RXRA: variants seen among roughly 807,000 people sequenced by gnomAD.
The protein encoded by RXRA is retinoid X receptor alpha.
In RXRA, 5 loss-of-function variants were observed where a neutral mutation model predicts 44.5. That is an observed-to-expected ratio of 0.11 (90% confidence interval 0.06 to 0.24). The LOEUF (loss-of-function observed/expected upper bound fraction) is 0.24. RXRA is among the 10% of genes least tolerant of loss of function. The pLI, the probability that RXRA is intolerant of heterozygous loss-of-function variation, is 1.00. For missense variants in RXRA, 412 were observed against 646.5 expected (o/e 0.64, Z 3.93); for synonymous variants, 291 against 271.4 (o/e 1.07, Z -0.71).
chr9:134,375,685 C>T (rs1830547128), intron 1 of RXRA, among the ~76,000 whole-genome samples: 1 of 151,990 alleles, frequency 6.6e-6, no homozygotes, highest in African/African-American at 2.4e-5. Flanking sequence ...CAGCTCTGGG[C>T]CCTGTGTGGG....
rs139882385 is a variant in RXRA at position 134,439,136 on chromosome 9, T to C, written c.*2522T>C. The C allele has an allele frequency of 6.6e-6, 1 of 152,354 alleles. No individual in the cohort carries two copies. The highest frequency in any genetic ancestry group is 2.4e-5 in the African/African-American group (1 of 41,574). 9.4% of individuals were successfully genotyped at this position (152,354 alleles called of 1,614,324 possible). A position where few individuals can be genotyped will look rare whatever the true frequency, so the allele number is the denominator to read the frequency against. On this transcript the variant is annotated 3_prime_UTR_variant, in exon 10 of 10. Transcript: ENST00000481739. The stretch of plus-strand genomic sequence containing the variant: ...CCAGTTCAATTAAGGTGATTTTTTG[T>C]AATTATTATTATTTTGGTGGGACAA...
chr9:134,429,001 G>T, intron 6 of RXRA, 107 bp from the exon 7 acceptor site: 2 of 1,381,372 alleles, frequency 1.4e-6, no homozygotes, highest in Non-Finnish European at 2.0e-6. Context: ...AGCCTGTCAG[G>T]ATGGGTCGGT....
At chr9:134,362,533 C>CAGCATGGTGCT (rs1830364873) in intron 1 of RXRA, among the ~76,000 whole-genome samples, 1 of 152,236 alleles carries the variant, frequency 6.6e-6, no homozygotes, top group African/African-American at 2.4e-5. Context: ...CTCGTGGTCA[C>CAGCATGGTGCT]AGCATGGTGC....
chr9:134,338,596 A>G (rs528215745), intron 1 of RXRA, among the ~76,000 whole-genome samples: 12 of 152,348 alleles, frequency 7.9e-5, no homozygotes, highest in African/African-American at 2.9e-4. Flanking sequence ...CCTCCTGCCT[A>G]GGAAGCAGTG....
intron 1 of RXRA, among the ~76,000 whole-genome samples, chr9:134,395,669 G>T (rs1185069936): frequency 1.3e-5 from 2 of 152,236 alleles, no homozygotes; most frequent in African/African-American, 2.4e-5. Context: ...GCCTGGCCGA[G>T]GTGGGGGGCT....
chr9:134,430,704 G>T (rs1322624870), intron 7 of RXRA, among the ~76,000 whole-genome samples: 1 of 152,208 alleles, frequency 6.6e-6, no homozygotes, highest in Non-Finnish European at 1.5e-5. Flanking sequence ...TCTTTAGAGG[G>T]GTACTGGGGA....
chr9:134,392,262 G>A lies in RXRA; in HGVS notation c.29-9370G>A, dbSNP rs1165444801. ...CTGCCAGGACTGGGGCTTGACTCCCGCCCTCCCACCCTCCTAGCCTCTGCC... is the reference window on the plus strand; with the variant it reads ...CTGCCAGGACTGGGGCTTGACTCCCACCCTCCCACCCTCCTAGCCTCTGCC... On this transcript the variant is annotated intron_variant, in intron 1 of 9. Coordinates refer to ENST00000481739, the MANE Select transcript of RXRA (RefSeq NM_002957.6). 7.4e-5 allele frequency among the ~76,000 whole-genome samples: 7 copies of A among 94,746 alleles called. 1 individual carries two copies. In the South Asian group the frequency reaches 1.2e-3, roughly 16 times the overall value. 62.2% of individuals were successfully genotyped at this position (94,746 alleles called of 152,430 possible).
At chr9:134,410,041 A>G (rs570481186) in intron 4 of RXRA, among the ~76,000 whole-genome samples, 1 of 152,302 alleles carries the variant, frequency 6.6e-6, no homozygotes, top group East Asian at 1.9e-4. Context: ...ACCGTCAGGG[A>G]TGTCCTGAGT....
At chr9:134,355,788 C>G (rs1435845957) in intron 1 of RXRA, among the ~76,000 whole-genome samples, 3 of 152,190 alleles carry the variant, frequency 2.0e-5, no homozygotes, top group African/African-American at 7.2e-5. Context: ...GCCCGTTGTG[C>G]AACCTGCAGC....
In RXRA at chr9:134,426,771, C is replaced by A; in HGVS notation, c.911-2337C>A. On this transcript the variant is annotated intron_variant, in intron 6 of 9. Coordinates refer to ENST00000481739, the MANE Select transcript of RXRA (RefSeq NM_002957.6). The surrounding 1 kb of genome is among the most constrained non-coding windows in gnomAD (Gnocchi z 4.6). ...CAGGATGTGAGGGAGAGAGGCAGGC[C>A]CGAGAGGCCAGGACTGGCCAGGGAT... 1.0e-6 allele frequency: 1 copy of A among 985,388 alleles called. No homozygotes were observed. The highest frequency in any genetic ancestry group is 1.2e-6 in the Non-Finnish European group (1 of 829,910). 61.0% of individuals were successfully genotyped at this position (985,388 alleles called of 1,614,324 possible). A position where few individuals can be genotyped will look rare whatever the true frequency, so the allele number is the denominator to read the frequency against.
At chr9:134,401,984 G>T in intron 2 of RXRA, 102 bp downstream of exon 2, 2 of 996,196 alleles carry the variant, frequency 2.0e-6, no homozygotes, top group Non-Finnish European at 2.9e-6. Context: ...TGGGAGGTAG[G>T]TGCTGTGGTC....
chr9:134,350,694 C>T (rs1344823459), intron 1 of RXRA, among the ~76,000 whole-genome samples: 1 of 152,254 alleles, frequency 6.6e-6, no homozygotes, highest in African/African-American at 2.4e-5. Context: ...GCCAGCCTCC[C>T]CCGCAGGAGC....
intron 1 of RXRA, among the ~76,000 whole-genome samples, chr9:134,327,200 C>T (rs1834929899): frequency 6.6e-6 from 1 of 152,246 alleles, no homozygotes; most frequent in South Asian, 2.1e-4. Flanking sequence ...CCCGGGTGGG[C>T]AGGGTCCCCC....
intron 1 of RXRA, among the ~76,000 whole-genome samples, chr9:134,358,561 A>T (rs1323828344): frequency 6.6e-6 from 1 of 152,212 alleles, no homozygotes; most frequent in East Asian, 1.9e-4. Context: ...CCAGGAACTG[A>T]CAAGGTCTTG....
chr9:134,386,092 G>A (rs551991299), intron 1 of RXRA, among the ~76,000 whole-genome samples: 1 of 152,386 alleles, frequency 6.6e-6, no homozygotes, highest in Admixed American at 6.5e-5. Flanking sequence ...GGGCGGCTCT[G>A]GGAAAGGGGA....
intron 1 of RXRA, among the ~76,000 whole-genome samples, chr9:134,362,440 G>A (rs1248849378): frequency 1.3e-5 from 2 of 152,242 alleles, no homozygotes; most frequent in Non-Finnish European, 2.9e-5. Flanking sequence ...GCCACAAACT[G>A]TGTTTCCAGC....
chr9:134,368,913 G>GTGTGTGTGGGGGTTA (rs1830450520), intron 1 of RXRA, among the ~76,000 whole-genome samples: 1 of 27,912 alleles, frequency 3.6e-5, no homozygotes, highest in African/African-American at 1.2e-4. Flanking sequence ...TGTGGGGGTT[G>GTGTGTGTGGGGGTTA]TGTGTGTGTG....
intron 1 of RXRA, among the ~76,000 whole-genome samples, chr9:134,376,600 G>T (rs976295312): frequency 6.6e-5 from 10 of 152,302 alleles, no homozygotes; most frequent in African/African-American, 2.4e-4. Flanking sequence ...CGCGTTCTCT[G>T]TCTATAGAAG....
intron 1 of RXRA, among the ~76,000 whole-genome samples, chr9:134,383,595 C>A (rs944285285): frequency 6.6e-6 from 1 of 152,148 alleles, no homozygotes; most frequent in African/African-American, 2.4e-5. Context: ...ACAGAGGCTT[C>A]GCACCTCCCA....
Sources: allele counts gnomAD v4.1 joint callset (sites outside exome capture counted in the v4.1 genomes callset), GRCh38; gene constraint gnomAD v4.1.1; non-coding constraint Gnocchi (gnomAD v3.1); transcripts MANE v1.5; gene names NCBI Gene and HGNC (gene_info 2026-07-23, HGNC 2026-07-21).